The following LRMDA variants were observed in gnomAD, a reference collection of about 807,000 sequenced individuals.
LRMDA encodes the protein leucine rich melanocyte differentiation associated.
A neutral mutation model predicts 29.8 loss-of-function variants in LRMDA; 18 were observed. The observed-to-expected ratio is 0.60, with a 90% CI of 0.42 to 0.90. LRMDA has a LOEUF of 0.90. Ranked by LOEUF, LRMDA falls within the 40% of genes least tolerant of loss-of-function variation. LRMDA has a pLI of 0.00. For synonymous variants in LRMDA, 125 were observed against 109.4 expected, an observed-to-expected ratio of 1.14 and a Z score of -0.89; for missense variants, 273 against 273.9, an observed-to-expected ratio of 1.00 and a Z score of 0.02.
chr10:75,679,273 C>T (rs1428871115), intron 2 of LRMDA, among the ~76,000 whole-genome samples: 8 of 152,052 alleles, frequency 5.3e-5, no homozygotes, highest in Non-Finnish European at 5.9e-5. Context: ...GGATCATATA[C>T]GTTGTGCTAG....
intron 2 of LRMDA, among the ~76,000 whole-genome samples, chr10:76,013,196 G>C (rs993115788): frequency 2.4e-4 from 36 of 152,174 alleles, no homozygotes; most frequent in African/African-American, 8.7e-4. Context: ...GGGTGGTAAT[G>C]GGACCCAGGA....
At chr10:75,889,672 G>T (rs1358863872) in intron 2 of LRMDA, among the ~76,000 whole-genome samples, 2 of 152,200 alleles carry the variant, frequency 1.3e-5, no homozygotes, top group Non-Finnish European at 2.9e-5. Context: ...TGGAGAGGTG[G>T]CATGTGGGTA....
chr10:76,042,537 G>T (rs1392069221), intron 3 of LRMDA, among the ~76,000 whole-genome samples: 1 of 152,014 alleles, frequency 6.6e-6, no homozygotes, highest in Non-Finnish European at 1.5e-5. Flanking sequence ...TATATAATCA[G>T]GAATGCAAAA....
intron 4 of LRMDA, among the ~76,000 whole-genome samples, chr10:76,048,679 CCA>C (rs1472118624): frequency 6.6e-5 from 10 of 152,174 alleles, no homozygotes; most frequent in African/African-American, 2.4e-4. Context: ...ACACAACAGT[CCA>C]TAGGTGTTTC....
At chr10:76,138,913 T>A (rs1037815706) in intron 5 of LRMDA, among the ~76,000 whole-genome samples, 3 of 152,200 alleles carry the variant, frequency 2.0e-5, no homozygotes, top group African/African-American at 7.2e-5. Flanking sequence ...TCATTTTTTT[T>A]ATATTTGCCT....
chr10:75,555,128 C>T (rs372697775), intron 2 of LRMDA, among the ~76,000 whole-genome samples: 2 of 152,108 alleles, frequency 1.3e-5, no homozygotes, highest in African/African-American at 4.8e-5. Flanking sequence ...GCTGTCTGCT[C>T]TCCATGGCCC....
rs115577471 is a variant in LRMDA at position 76,375,759 on chromosome 10, A to G, written c.601+51274A>G. Among the ~76,000 whole-genome samples the G allele has an allele frequency of 3.1e-3, 460 of 146,850 alleles. 4 individuals carry two copies. Among genetic ancestry groups the G allele is most frequent in the African/African-American group, 0.011 (431 of 39,498 alleles). ...TTTTTTCGGGGGGAGAGGATATTTG[A>G]CTTGGTGGAGTCATACCAATACAGT... On this transcript the variant is annotated intron_variant, in intron 6 of 6. Transcript: ENST00000611255.
At chr10:75,494,421 C>G (rs913644152) in intron 2 of LRMDA, among the ~76,000 whole-genome samples, 2 of 151,960 alleles carry the variant, frequency 1.3e-5, no homozygotes, top group African/African-American at 4.8e-5. Flanking sequence ...ATGTATTCAC[C>G]CATCCACTTC....
intron 5 of LRMDA, among the ~76,000 whole-genome samples, chr10:76,108,787 C>G (rs758870302): frequency 1.3e-5 from 2 of 152,190 alleles, no homozygotes; most frequent in Non-Finnish European, 2.9e-5. Flanking sequence ...AGAAGACTTT[C>G]CTGACCAGCC....
rs150301139 is a variant in LRMDA at position 76,375,064 on chromosome 10, A to C, written c.601+50579A>C. Among the ~76,000 whole-genome samples the C allele has an allele frequency of 3.1e-3, 471 of 152,310 alleles. 4 individuals are homozygous for C. Among genetic ancestry groups the C allele is most frequent in the African/African-American group, 0.011 (441 of 41,572 alleles). On this transcript the variant is annotated intron_variant, in intron 6 of 6. Coordinates refer to ENST00000611255, the MANE Select transcript of LRMDA (RefSeq NM_001305581.2). ...CTTCATTCAGTGTGTAAATTTCTTA[A>C]CAAAGAAAAGAAAAAGATTTCAACT... is the stretch of plus-strand genomic sequence containing the variant.
chr10:75,920,753 C>T (rs1846012822), intron 2 of LRMDA, among the ~76,000 whole-genome samples: 1 of 152,186 alleles, frequency 6.6e-6, no homozygotes, highest in Admixed American at 6.5e-5. Flanking sequence ...ACAGCTCAGC[C>T]TGGGTTTTAT....
At chr10:76,253,431 A>T (rs973333765) in intron 5 of LRMDA, among the ~76,000 whole-genome samples, 1 of 152,028 alleles carries the variant, frequency 6.6e-6, no homozygotes, top group East Asian at 1.9e-4. Flanking sequence ...GGTCTCACTG[A>T]TCTACCAGCT....
rs191461559 is a variant in LRMDA, at chr10:76,037,295, A to C, written c.258+1161A>C. ...TGTTTTATTGGATGGAACATTTGAG[A>C]CCTGGAGTAGTTAAACCACTTGTTC... is the stretch of plus-strand genomic sequence containing the variant. On this transcript the variant is annotated intron_variant, in intron 3 of 6. Transcript: ENST00000611255. Among the ~76,000 whole-genome samples, 775 of 152,348 alleles carry C rather than the reference A, an allele frequency of 5.1e-3. 6 individuals are homozygous for C. Among genetic ancestry groups the C allele is most frequent in the African/African-American group, 0.018 (749 of 41,578 alleles).
intron 6 of LRMDA, among the ~76,000 whole-genome samples, chr10:76,443,044 G>A (rs1196447399): frequency 2.6e-5 from 4 of 152,202 alleles, no homozygotes; most frequent in East Asian, 3.9e-4. Context: ...GCAAAAACAC[G>A]GCCAAGGATG....
At chr10:75,618,349 T>G (rs1841130745) in intron 2 of LRMDA, among the ~76,000 whole-genome samples, 1 of 124,896 alleles carries the variant, frequency 8.0e-6, no homozygotes, top group African/African-American at 2.9e-5. Context: ...TAGTTGTCTT[T>G]ACCAGACTCT....
At chr10:76,144,420 T>C (rs1411639278) in intron 5 of LRMDA, among the ~76,000 whole-genome samples, 8 of 152,012 alleles carry the variant, frequency 5.3e-5, no homozygotes, top group Admixed American at 2.0e-4. Context: ...CCCTTGTAAG[T>C]TGGATTCCTA....
intron 6 of LRMDA, among the ~76,000 whole-genome samples, chr10:76,484,864 C>T (rs577188050): frequency 9.9e-5 from 15 of 151,772 alleles, no homozygotes; most frequent in East Asian, 1.9e-4. Context: ...TACACTTTCT[C>T]GGAGAATTCA....
intron 2 of LRMDA, among the ~76,000 whole-genome samples, chr10:75,575,528 G>C (rs1316882666): frequency 1.3e-5 from 2 of 152,218 alleles, no homozygotes; most frequent in African/African-American, 4.8e-5. Flanking sequence ...GGGGCTGCAG[G>C]CCCCAGTGCA....
chr10:76,119,139 G>A (rs1382117111), intron 5 of LRMDA, among the ~76,000 whole-genome samples: 1 of 151,822 alleles, frequency 6.6e-6, no homozygotes, highest in African/African-American at 2.4e-5. Flanking sequence ...GTCATTCTTA[G>A]CCTGTCCTGT....
Sources: allele counts gnomAD v4.1 joint callset (sites outside exome capture counted in the v4.1 genomes callset), GRCh38; gene constraint gnomAD v4.1.1; transcripts MANE v1.5; gene names NCBI Gene and HGNC (gene_info 2026-07-23, HGNC 2026-07-21).